The following CLIP1 variants were observed in gnomAD, a reference collection of about 807,000 sequenced individuals.
The protein encoded by CLIP1 is CAP-Gly domain containing linker protein 1.
In CLIP1, 66 loss-of-function variants were observed where a neutral mutation model predicts 161.6. That is an observed-to-expected ratio of 0.41 (90% CI 0.33 to 0.50). The LOEUF (loss-of-function observed/expected upper bound fraction) is 0.50, where lower values mean the gene tolerates loss of function less well. Ranked by LOEUF, CLIP1 falls within the 20% of genes least tolerant of loss-of-function variation. CLIP1 has a pLI of 0.27. For missense variants in CLIP1, 1,376 were observed against 1,702.0 expected (o/e 0.81, Z 3.37); for synonymous variants, 598 against 626.2 (o/e 0.96, Z 0.67).
At chr12:122,277,779 T>G in intron 24 of CLIP1, 1 of 153,646 alleles carries the variant, frequency 6.5e-6, no homozygotes, top group South Asian at 1.6e-4. Flanking sequence ...GAACACTACA[T>G]AGCTATAAAA....
intron 9 of CLIP1, among the ~76,000 whole-genome samples, chr12:122,349,419 C>T (rs545211966): frequency 3.5e-4 from 53 of 152,336 alleles, no homozygotes; most frequent in African/African-American, 1.2e-3. Context: ...CCTCAGCCTC[C>T]GTAGTAGCTG....
chr12:122,377,688 G>A lies in CLIP1; in HGVS notation c.358C>T (p.Arg120Ter). 4 of 1,613,578 alleles carry A rather than the reference G, an allele frequency of 2.5e-6. No homozygotes were observed. The highest frequency in any genetic ancestry group is 2.2e-5 in the East Asian group (1 of 44,812). ...ACCTTCCTTGTTAACTTTGAAGGTC[G>A]GGTAAATATGCCCTTTAAAGGTTCA... ...QCEPLKGIFT[R>*]PSKLTRKVQA... The change falls in exon 3 of 26, where the codon CGA (arginine) becomes TGA (stop). Residue 120 changes from arginine to a stop codon, truncating the protein, a stop_gained. Transcript: ENST00000620786. LOFTEE classifies it high-confidence loss of function.
At chr12:122,290,681 A>G (rs1956063147) in intron 20 of CLIP1, among the ~76,000 whole-genome samples, 1 of 152,082 alleles carries the variant, frequency 6.6e-6, no homozygotes, top group South Asian at 2.1e-4. Flanking sequence ...AAAACACAAT[A>G]CGCAAAGATT....
At chr12:122,298,596 CAA>C (rs58917162) in intron 20 of CLIP1, among the ~76,000 whole-genome samples, 31 of 62,042 alleles carry the variant, frequency 5.0e-4, no homozygotes, top group Admixed American at 7.6e-4. Context: ...CACTCTGTCT[CAA>C]AAAAAAAAAA....
chr12:122,306,154 C>A (rs962810899), intron 20 of CLIP1, among the ~76,000 whole-genome samples: 5 of 151,706 alleles, frequency 3.3e-5, no homozygotes, highest in Non-Finnish European at 5.9e-5. Flanking sequence ...TGCCCTAGAA[C>A]ATTGGACTTC....
intron 20 of CLIP1, among the ~76,000 whole-genome samples, chr12:122,292,853 A>G (rs1308886498): frequency 6.6e-6 from 1 of 151,854 alleles, no homozygotes; most frequent in Admixed American, 6.6e-5. Context: ...AATATAAAAA[A>G]TTAGCCGGGC....
chr12:122,330,050 G>C (rs754377068), intron 15 of CLIP1, among the ~76,000 whole-genome samples: 1 of 152,134 alleles, frequency 6.6e-6, no homozygotes, highest in African/African-American at 2.4e-5. Context: ...CCAGAAGGTG[G>C]AGGTTGCGGT....
chr12:122,356,006 A>G (rs1014161147), intron 5 of CLIP1: 3 of 152,210 alleles, frequency 2.0e-5, no homozygotes, highest in African/African-American at 7.2e-5. Flanking sequence ...CCCTTACTGC[A>G]AGATGCACAG....
At chr12:122,319,390 G>T in intron 17 of CLIP1, 42 bp from the exon 18 acceptor site, 1 of 1,433,556 alleles carries the variant, frequency 7.0e-7, no homozygotes. Context: ...GACAGCCCTC[G>T]CCAACACCGT....
intron 20 of CLIP1, among the ~76,000 whole-genome samples, chr12:122,289,141 A>G (rs1238304575): frequency 1.3e-5 from 2 of 150,970 alleles, no homozygotes; most frequent in Non-Finnish European, 3.0e-5. Flanking sequence ...GCATTCAAAA[A>G]TGTTAATTGG....
chr12:122,302,720 C>T (rs1175402676), intron 20 of CLIP1, among the ~76,000 whole-genome samples: 1 of 152,078 alleles, frequency 6.6e-6, no homozygotes, highest in African/African-American at 2.4e-5. Context: ...ATGTCAGTAT[C>T]CAAGTAACTG....
At chr12:122,326,764 CA>C (rs199512756) in intron 17 of CLIP1, among the ~76,000 whole-genome samples, 5 of 143,590 alleles carry the variant, frequency 3.5e-5, no homozygotes, top group African/African-American at 1.0e-4. Flanking sequence ...AAAGGAAATA[CA>C]AAAAAAAAAC....
At chr12:122,330,605 T>TTTTTTGTTTTTTTTTTGTTTTTG (rs1555265540) in intron 15 of CLIP1, among the ~76,000 whole-genome samples, 1 of 139,876 alleles carries the variant, frequency 7.1e-6, no homozygotes, top group African/African-American at 2.8e-5. Context: ...CAGTTTTTTT[T>TTTTTTGTTTTTTTTTTGTTTTTG]TTTTTTTTTT....
chr12:122,286,965 T>C (rs1304354118), intron 21 of CLIP1, among the ~76,000 whole-genome samples: 1 of 151,922 alleles, frequency 6.6e-6, no homozygotes, highest in Admixed American at 6.6e-5. Context: ...ACCACTGCAC[T>C]CCAGCCTGGG....
At chr12:122,419,889 C>A (rs1210094143) in intron 1 of CLIP1, among the ~76,000 whole-genome samples, 4 of 130,324 alleles carry the variant, frequency 3.1e-5, no homozygotes, top group Non-Finnish European at 4.7e-5. Flanking sequence ...CACTGCACTC[C>A]AGCCTGGGCA....
chr12:122,295,770 T>C (rs1022179604), intron 20 of CLIP1, among the ~76,000 whole-genome samples: 1 of 152,258 alleles, frequency 6.6e-6, no homozygotes, highest in African/African-American at 2.4e-5. Context: ...CAGTTTTTGC[T>C]TCATGTATTT....
chr12:122,333,185 A>G, intron 14 of CLIP1, 42 bp from the exon 15 acceptor site: 1 of 1,472,414 alleles, frequency 6.8e-7, no homozygotes, highest in Non-Finnish European at 9.3e-7. Context: ...GCTGTGTTAT[A>G]TCAACAAAAA....
chr12:122,369,063 G>T (rs1755722628), intron 3 of CLIP1, among the ~76,000 whole-genome samples: 2 of 151,354 alleles, frequency 1.3e-5, no homozygotes, highest in African/African-American at 4.9e-5. Flanking sequence ...CTGTCGTCCA[G>T]GCTGGAGTGC....
At chr12:122,335,844 G>T (rs188976662) in intron 12 of CLIP1, among the ~76,000 whole-genome samples, 1 of 152,054 alleles carries the variant, frequency 6.6e-6, no homozygotes, top group Non-Finnish European at 1.5e-5. Context: ...AATTCACACT[G>T]TTAATAGCAC....
Sources: allele counts gnomAD v4.1 joint callset (sites outside exome capture counted in the v4.1 genomes callset), GRCh38; gene constraint gnomAD v4.1.1; transcripts MANE v1.5; gene names NCBI Gene and HGNC (gene_info 2026-07-23, HGNC 2026-07-21).